Variants in IFT25 observed in about 807,000 individuals in gnomAD.
IFT25 encodes intraflagellar transport 25, also known as intraflagellar transport protein 25 homolog.
chr1:53,929,671 G>C, the IFT25 span: 1 of 162,956 alleles, frequency 6.1e-6, no homozygotes, highest in Non-Finnish European at 1.3e-5. Flanking sequence ...CAGGACAAAT[G>C]AATCTAGAAT....
the IFT25 span, among the ~76,000 whole-genome samples, chr1:53,940,688 A>C: frequency 6.6e-6 from 1 of 152,148 alleles, no homozygotes; most frequent in Non-Finnish European, 1.5e-5. Flanking sequence ...TTTTCTTAAA[A>C]TTTTTAAAAA....
chr1:53,915,160 A>C, the IFT25 span, among the ~76,000 whole-genome samples: 1 of 152,232 alleles, frequency 6.6e-6, no homozygotes, highest in Non-Finnish European at 1.5e-5. Flanking sequence ...TTCAGTCAAC[A>C]GATATTTCTT....
At chr1:53,926,240 G>C in the IFT25 span, among the ~76,000 whole-genome samples, 1 of 152,084 alleles carries the variant, frequency 6.6e-6, no homozygotes, top group African/African-American at 2.4e-5. Flanking sequence ...TCACCTCTGA[G>C]GCTCAAGTGA....
chr1:53,944,119 T>C, the IFT25 span, among the ~76,000 whole-genome samples: 3 of 152,200 alleles, frequency 2.0e-5, no homozygotes, highest in African/African-American at 7.2e-5. Flanking sequence ...ATTTCCTGTT[T>C]TGGGTAGAAT....
the IFT25 span, among the ~76,000 whole-genome samples, chr1:53,943,633 T>A: frequency 3.3e-5 from 5 of 152,128 alleles, no homozygotes; most frequent in Admixed American, 6.6e-5. Context: ...AGAGAACTTT[T>A]TTTTTTTGAG....
chr1:53,922,008 G>A, the IFT25 span, among the ~76,000 whole-genome samples: 6 of 152,214 alleles, frequency 3.9e-5, no homozygotes, highest in Non-Finnish European at 7.3e-5. Flanking sequence ...GGGTCTCACC[G>A]TGTTGCCCAG....
the IFT25 span, among the ~76,000 whole-genome samples, chr1:53,917,325 A>G: frequency 1.3e-5 from 2 of 152,316 alleles, no homozygotes; most frequent in Admixed American, 1.3e-4. Context: ...GGCTCTGCTT[A>G]AATAGTAAGC....
chr1:53,931,039 T>C, the IFT25 span, among the ~76,000 whole-genome samples: 3 of 152,200 alleles, frequency 2.0e-5, no homozygotes, highest in Admixed American at 2.0e-4. Context: ...TAACCAATAC[T>C]CCAATGAAAA....
the IFT25 span, chr1:53,928,272 G>A: frequency 1.1e-6 from 1 of 930,352 alleles, no homozygotes; most frequent in Non-Finnish European, 1.7e-6. Context: ...GATCATTAAA[G>A]TCATCTTTTT....
At chr1:53,926,894 T>A in the IFT25 span, among the ~76,000 whole-genome samples, 1 of 152,176 alleles carries the variant, frequency 6.6e-6, no homozygotes, top group East Asian at 1.9e-4. Context: ...GGCTAATTTT[T>A]AATTTTTTTT....
the IFT25 span, among the ~76,000 whole-genome samples, chr1:53,914,229 T>C: frequency 1.1e-4 from 16 of 152,234 alleles, no homozygotes; most frequent in Admixed American, 9.8e-4. Flanking sequence ...ATAAAGTCTC[T>C]AGCTTTGAGA....
At chr1:53,918,480 C>T in the IFT25 span, among the ~76,000 whole-genome samples, 1 of 152,132 alleles carries the variant, frequency 6.6e-6, no homozygotes, top group East Asian at 1.9e-4. Context: ...GCCTCAGCCT[C>T]GAAGTCAATT....
At chr1:53,917,575 C>T in the IFT25 span, among the ~76,000 whole-genome samples, 4 of 152,132 alleles carry the variant, frequency 2.6e-5, no homozygotes, top group East Asian at 7.7e-4. Flanking sequence ...CCTGTAATCC[C>T]AGCACTTTGG....
the IFT25 span, chr1:53,916,977 A>T: frequency 3.6e-6 from 1 of 275,480 alleles, no homozygotes; most frequent in East Asian, 5.6e-5. Flanking sequence ...CCCCATCTTT[A>T]CTAAAAATGC....
chr1:53,937,891 T>C, the IFT25 span, among the ~76,000 whole-genome samples: 18 of 152,282 alleles, frequency 1.2e-4, no homozygotes, highest in Admixed American at 2.0e-4. Context: ...TACCTGAATT[T>C]CAGGAAGTAA....
the IFT25 span, among the ~76,000 whole-genome samples, chr1:53,937,106 T>G: frequency 5.3e-5 from 8 of 152,186 alleles, no homozygotes; most frequent in Non-Finnish European, 1.2e-4. Context: ...AAAGCAACTG[T>G]GAACAGAAAA....
At chr1:53,919,940 C>T in the IFT25 span, among the ~76,000 whole-genome samples, 5 of 152,168 alleles carry the variant, frequency 3.3e-5, no homozygotes, top group East Asian at 1.9e-4. Flanking sequence ...ACTACAGGCA[C>T]GTACCACTCT....
the IFT25 span, among the ~76,000 whole-genome samples, chr1:53,938,253 A>AT: frequency 6.6e-6 from 1 of 152,246 alleles, no homozygotes; most frequent in Non-Finnish European, 1.5e-5. Flanking sequence ...ATGTGTTTAT[A>AT]TGTATGTGTG....
the IFT25 span, among the ~76,000 whole-genome samples, chr1:53,925,918 T>C: frequency 6.6e-5 from 10 of 151,524 alleles, no homozygotes; most frequent in Admixed American, 2.0e-4. Context: ...CTGGCCAACA[T>C]GGTGAAAACT....
Sources: allele counts gnomAD v4.1 joint callset (sites outside exome capture counted in the v4.1 genomes callset), GRCh38; gene constraint gnomAD v4.1.1; transcripts MANE v1.5; gene names NCBI Gene and HGNC (gene_info 2026-07-23, HGNC 2026-07-21).